Variants in GK5 observed in about 807,000 individuals in gnomAD.
GK5 encodes glycerol kinase 5, also known as ATP:glycerol 3-phosphotransferase 5.
Under a neutral mutation model 77.3 loss-of-function variants are expected in GK5, and 39 were observed. That is an observed-to-expected ratio of 0.50 (90% CI 0.39 to 0.66). The LOEUF is 0.66. Ranked by LOEUF, GK5 falls within the 30% of genes least tolerant of loss-of-function variation. The probability of loss-of-function intolerance (pLI) is 0.00; values close to 1 mark genes in which losing one functional copy is unlikely to be tolerated. For missense variants in GK5, 487 were observed against 633.8 expected (o/e 0.77, Z 2.49); for synonymous variants, 211 against 208.0 (o/e 1.01, Z -0.13).
chr3:142,171,313 A>G (rs1393983764), intron 14 of GK5, 106 bp downstream of exon 14: 3 of 1,012,090 alleles, frequency 3.0e-6, no homozygotes, highest in Non-Finnish European at 4.0e-6. Flanking sequence ...CAATAATCAT[A>G]AAGATGAATT....
chr3:142,177,962 G>A (rs551311581), intron 11 of GK5, among the ~76,000 whole-genome samples: 2 of 149,980 alleles, frequency 1.3e-5, no homozygotes, highest in African/African-American at 4.9e-5. Flanking sequence ...AGGTTCAAAC[G>A]ATTCTCCTGC....
chr3:142,224,525 A>G (rs751069262), intron 1 of GK5, among the ~76,000 whole-genome samples: 6 of 152,276 alleles, frequency 3.9e-5, no homozygotes, highest in Non-Finnish European at 8.8e-5. Context: ...AAGGATATCA[A>G]TTTGTTGGTT....
intron 15 of GK5, chr3:142,170,054 T>C: frequency 2.0e-6 from 1 of 500,646 alleles, no homozygotes; most frequent in Admixed American, 3.2e-5. Flanking sequence ...CCAGAGACTG[T>C]CTGTTGCTAG....
rs543350513 is a variant in GK5, at chr3:142,199,625, A to C, written c.412-692T>G. On this transcript the variant is annotated intron_variant, in intron 4 of 15. Coordinates refer to ENST00000392993, the MANE Select transcript of GK5 (RefSeq NM_001039547.3). Reference sequence around the variant, plus strand: ...ATTTCCCTATACATTAAGTACTTAAAATCTGGTTGTATGATTTTATTTAAT... The same window carrying C: ...ATTTCCCTATACATTAAGTACTTAACATCTGGTTGTATGATTTTATTTAAT... 7.0e-4 allele frequency among the ~76,000 whole-genome samples: 107 copies of C among 152,212 alleles called. 1 individual carries two copies. Among genetic ancestry groups the C allele is most frequent in the Admixed American group, 5.3e-3 (81 of 15,288 alleles).
intron 1 of GK5, among the ~76,000 whole-genome samples, chr3:142,219,358 T>C (rs1028248445): frequency 1.3e-5 from 2 of 152,224 alleles, no homozygotes; most frequent in Non-Finnish European, 2.9e-5. Flanking sequence ...GGTGAATGAA[T>C]GTAGTACATC....
At position 142,182,350 on chromosome 3, in the gene GK5, A is replaced by ATTTTTTTTTTT. The variant is rs144059110; in HGVS notation, c.943+562_943+572dup. 4.5e-3 allele frequency among the ~76,000 whole-genome samples: 667 copies of ATTTTTTTTTTT among 147,810 alleles called. 6 individuals are homozygous for ATTTTTTTTTTT. Among genetic ancestry groups the ATTTTTTTTTTT allele is most frequent in the African/African-American group, 0.015 (614 of 40,362 alleles). ...AAAAATTTAGAACCCTAGTAAGAAG[A>ATTTTTTTTTTT]TTTTTTTTTTTGGAGACAGAGTCTC... On this transcript the variant is annotated intron_variant, in intron 10 of 15. Transcript: ENST00000392993.
chr3:142,216,236 T>C (rs1261785436), intron 1 of GK5, among the ~76,000 whole-genome samples: 1 of 152,080 alleles, frequency 6.6e-6, no homozygotes, highest in African/African-American at 2.4e-5. Context: ...ACTCAAGACA[T>C]CCTGAAAACC....
chr3:142,182,884 A>T, intron 10 of GK5, 39 bp downstream of exon 10: 1 of 1,461,044 alleles, frequency 6.8e-7, no homozygotes, highest in East Asian at 2.3e-5. Flanking sequence ...AACAGAAGTG[A>T]TATTTTATTA....
chr3:142,167,400 T>A (rs922852953), intron 15 of GK5, among the ~76,000 whole-genome samples: 1 of 151,930 alleles, frequency 6.6e-6, no homozygotes, highest in South Asian at 2.1e-4. Context: ...TAATTAAAAA[T>A]AAATAAAGGT....
In GK5 at chr3:142,161,942, T is replaced by C. The variant is rs1312045293; in HGVS notation, c.*3680A>G. 2 of 152,110 alleles carry C rather than the reference T, an allele frequency of 1.3e-5. No individual in the cohort carries two copies. The highest frequency in any genetic ancestry group is 1.9e-4 in the East Asian group (1 of 5,178). 9.4% of individuals were successfully genotyped at this position (152,110 alleles called of 1,614,324 possible). A position where few individuals can be genotyped will look rare whatever the true frequency, so the allele number is the denominator to read the frequency against. ...AGCCCCCTAATTAGCTGGGACTATATGTGTGTGTCACCACACCCAGCTAAT... is the reference window on the plus strand; with the variant it reads ...AGCCCCCTAATTAGCTGGGACTATACGTGTGTGTCACCACACCCAGCTAAT... On this transcript the variant is annotated 3_prime_UTR_variant, in exon 16 of 16. Transcript: ENST00000392993.
intron 1 of GK5, among the ~76,000 whole-genome samples, chr3:142,224,006 A>G (rs2064393996): frequency 6.6e-6 from 1 of 152,140 alleles, no homozygotes; most frequent in African/African-American, 2.4e-5. Context: ...CACTGAGAAA[A>G]AGGGGGAATA....
chr3:142,176,248 T>C (rs1340425460), intron 12 of GK5, among the ~76,000 whole-genome samples: 1 of 152,078 alleles, frequency 6.6e-6, no homozygotes, highest in Non-Finnish European at 1.5e-5. Context: ...TAAAACACCC[T>C]GACCTAATTT....
At chr3:142,185,217 GC>G in intron 9 of GK5, 1 of 601,594 alleles carries the variant, frequency 1.7e-6, no homozygotes, top group Non-Finnish European at 2.1e-6. Flanking sequence ...TTCGAGATCA[GC>G]CAGGGGAACA....
intron 1 of GK5, among the ~76,000 whole-genome samples, chr3:142,220,160 C>T (rs1204803270): frequency 2.0e-5 from 3 of 151,824 alleles, no homozygotes; most frequent in African/African-American, 4.8e-5. Context: ...TTTTTTGAGA[C>T]GGAGTCTCGC....
At chr3:142,191,837 T>C (rs755250175) in intron 5 of GK5, among the ~76,000 whole-genome samples, 2 of 151,132 alleles carry the variant, frequency 1.3e-5, no homozygotes, top group Non-Finnish European at 2.9e-5. Flanking sequence ...AATAAATAAA[T>C]AGTGAAAACA....
chr3:142,184,193 GGAGCTTGCAGTGAGCC>G (rs2063734829), intron 9 of GK5, among the ~76,000 whole-genome samples: 1 of 140,774 alleles, frequency 7.1e-6, no homozygotes, highest in Non-Finnish European at 1.5e-5. Flanking sequence ...CCTGGAAGGC[GGAGCTTGCAGTGAGCC>G]GAGATCGCAC....
chr3:142,185,412 CAA>C (rs58554339), intron 9 of GK5: 102,590 of 709,370 alleles, frequency 0.14, 1,485 homozygotes, highest in African/African-American at 0.19. Flanking sequence ...GACCCTGTCT[CAA>C]AAAAAAAAAA....
At chr3:142,216,703 T>C (rs542435014) in intron 1 of GK5, among the ~76,000 whole-genome samples, 1 of 152,074 alleles carries the variant, frequency 6.6e-6, no homozygotes, top group Non-Finnish European at 1.5e-5. Context: ...CCACAGAAAG[T>C]TGTGTATGAA....
chr3:142,209,854 TCA>T (rs2064168588), intron 3 of GK5, among the ~76,000 whole-genome samples: 2 of 152,134 alleles, frequency 1.3e-5, no homozygotes, highest in African/African-American at 4.8e-5. Context: ...CTCCCATGAC[TCA>T]CAGTTTGTGT....
Sources: allele counts gnomAD v4.1 joint callset (sites outside exome capture counted in the v4.1 genomes callset), GRCh38; gene constraint gnomAD v4.1.1; transcripts MANE v1.5; gene names NCBI Gene and HGNC (gene_info 2026-07-23, HGNC 2026-07-21).